The following PHF24 variants were observed in gnomAD, a reference collection of about 807,000 sequenced individuals.
The protein encoded by PHF24 is Galpha inhibitory interacting protein.
PHF24 carries 25 observed loss-of-function variants against 42.6 expected under a neutral mutation model. That is an observed-to-expected ratio of 0.59 (90% CI 0.43 to 0.82). PHF24 has a LOEUF of 0.82. Among genes scored for constraint, PHF24 ranks in the 40% least tolerant of loss-of-function variants. PHF24 has a pLI of 0.00. For missense variants in PHF24, 470 were observed against 538.1 expected (o/e 0.87, Z 1.25); for synonymous variants, 185 against 204.8 (o/e 0.90, Z 0.83).
At chr9:34,767,812 C>T in the PHF24 span, among the ~76,000 whole-genome samples, 3 of 152,268 alleles carry the variant, frequency 2.0e-5, no homozygotes, top group Non-Finnish European at 4.4e-5. Flanking sequence ...ACGCTGGGAG[C>T]TGTAGACCGG....
At chr9:34,919,691 T>TACACACACACACACACAC in the PHF24 span, among the ~76,000 whole-genome samples, 3,581 of 148,200 alleles carry the variant, frequency 0.024, 54 homozygotes, top group Non-Finnish European at 0.026. Flanking sequence ...ACCCAGTAAT[T>TACACACACACACACACAC]ACACACACAC....
exon 2 of PHF24, chr9:34,971,404 C>T (rs780590212): frequency 5.3e-5 from 86 of 1,614,016 alleles, no homozygotes; most frequent in Middle Eastern, 1.6e-4. Context: ...TTCCATCCGA[C>T]GCACAGGTGA....
chr9:34,691,377 C>G, the PHF24 span: 8 of 504,122 alleles, frequency 1.6e-5, no homozygotes, highest in African/African-American at 1.2e-4. Flanking sequence ...TTGCCCCCCT[C>G]TTTCTGGCAG....
chr9:34,932,863 A>C, the PHF24 span, among the ~76,000 whole-genome samples: 1 of 152,054 alleles, frequency 6.6e-6, no homozygotes, highest in South Asian at 2.1e-4. Flanking sequence ...AATGTACTGC[A>C]ATCACTGAAT....
chr9:34,923,065 T>TA, the PHF24 span: 1,524 of 434,196 alleles, frequency 3.5e-3, 12 homozygotes, highest in African/African-American at 0.029. Flanking sequence ...TTTTTTTTTT[T>TA]AATCATGAAG....
At chr9:34,718,169 C>T in the PHF24 span, among the ~76,000 whole-genome samples, 1,787 of 152,298 alleles carry the variant, frequency 0.012, 38 homozygotes, top group African/African-American at 0.041. Flanking sequence ...CAGGCCTGAC[C>T]TTGGAAGTGA....
At chr9:34,888,323 C>A in the PHF24 span, among the ~76,000 whole-genome samples, 3 of 152,190 alleles carry the variant, frequency 2.0e-5, no homozygotes, top group Non-Finnish European at 4.4e-5. Context: ...GTGTATCGTT[C>A]ACTGTTATCT....
At chr9:34,940,589 G>A in the PHF24 span, among the ~76,000 whole-genome samples, 1 of 152,014 alleles carries the variant, frequency 6.6e-6, no homozygotes. Flanking sequence ...CCATCTCTCC[G>A]AAAAAATAAA....
At chr9:34,690,347 G>C in the PHF24 span, 1 of 1,613,484 alleles carries the variant, frequency 6.2e-7, no homozygotes, top group Non-Finnish European at 8.5e-7. Flanking sequence ...TTGGGGCTGG[G>C]ATGGGGAAAG....
exon 8 of PHF24, chr9:34,978,325 G>A (rs1367829528): frequency 5.2e-6 from 3 of 572,478 alleles, no homozygotes; most frequent in Non-Finnish European, 9.4e-6. Flanking sequence ...GGGAGCTGTG[G>A]CAGCATCCTC....
At chr9:34,814,764 G>C in the PHF24 span, among the ~76,000 whole-genome samples, 1 of 152,130 alleles carries the variant, frequency 6.6e-6, no homozygotes, top group Non-Finnish European at 1.5e-5. Flanking sequence ...TTTTTTGACG[G>C]AGTCCCACTC....
chr9:34,817,252 T>C, the PHF24 span, among the ~76,000 whole-genome samples: 2 of 152,224 alleles, frequency 1.3e-5, no homozygotes, highest in Admixed American at 6.5e-5. Flanking sequence ...GTATTATTAA[T>C]TTTCTTTTCA....
chr9:34,712,097 GT>G, the PHF24 span, among the ~76,000 whole-genome samples: 2 of 151,198 alleles, frequency 1.3e-5, no homozygotes, highest in East Asian at 3.9e-4. Flanking sequence ...TAGAATTCTT[GT>G]TTGACTTTTT....
the PHF24 span, among the ~76,000 whole-genome samples, chr9:34,766,655 G>A: frequency 5.3e-5 from 8 of 152,128 alleles, no homozygotes; most frequent in Admixed American, 2.6e-4. Flanking sequence ...ATTTCCTCCT[G>A]TAGCTCGGAG....
chr9:34,698,643 G>T, the PHF24 span, among the ~76,000 whole-genome samples: 3 of 152,094 alleles, frequency 2.0e-5, no homozygotes, highest in African/African-American at 7.2e-5. Flanking sequence ...ACCACACCTG[G>T]CTAATTTTGT....
the PHF24 span, among the ~76,000 whole-genome samples, chr9:34,927,348 G>T: frequency 6.6e-6 from 1 of 152,116 alleles, no homozygotes; most frequent in Non-Finnish European, 1.5e-5. Context: ...GATATGCAGT[G>T]GCTACCGGCC....
the PHF24 span, among the ~76,000 whole-genome samples, chr9:34,839,133 T>C: frequency 6.6e-6 from 1 of 152,200 alleles, no homozygotes; most frequent in Non-Finnish European, 1.5e-5. Context: ...GGAGAGATTG[T>C]AAATGCTGCA....
chr9:34,783,789 T>G, the PHF24 span, among the ~76,000 whole-genome samples: 3 of 152,196 alleles, frequency 2.0e-5, no homozygotes, highest in African/African-American at 7.2e-5. Context: ...CAAGCTTCCC[T>G]TATAAAGAAT....
the PHF24 span, among the ~76,000 whole-genome samples, chr9:34,937,124 C>A: frequency 4.6e-5 from 7 of 152,010 alleles, no homozygotes; most frequent in South Asian, 1.5e-3. Context: ...CCCCTCTGCC[C>A]GGCCACCACC....
Sources: allele counts gnomAD v4.1 joint callset (sites outside exome capture counted in the v4.1 genomes callset), GRCh38; gene constraint gnomAD v4.1.1; transcripts MANE v1.5; gene names NCBI Gene and HGNC (gene_info 2026-07-23, HGNC 2026-07-21).